PAH: variants seen among roughly 807,000 people sequenced by gnomAD.
PAH encodes the protein phenylalanine hydroxylase.
In PAH, 64 loss-of-function variants were observed where a neutral mutation model predicts 62.0. The observed-to-expected ratio is 1.03, with a 90% CI of 0.84 to 1.27. PAH has a LOEUF of 1.27. PAH is among the 50% of genes most tolerant of loss of function. PAH has a pLI of 0.00. For missense variants in PAH, 579 were observed against 542.8 expected (o/e 1.07, Z -0.66); for synonymous variants, 195 against 196.2 (o/e 0.99, Z 0.05).
At chr12:102,924,852 C>G (rs1878644227) in intron 1 of PAH, among the ~76,000 whole-genome samples, 1 of 152,050 alleles carries the variant, frequency 6.6e-6, no homozygotes, top group South Asian at 2.1e-4. Context: ...CTCATGTTGC[C>G]TATTGTGCCC....
At chr12:102,870,183 G>C (rs1876238383) in intron 4 of PAH, among the ~76,000 whole-genome samples, 1 of 152,082 alleles carries the variant, frequency 6.6e-6, no homozygotes, top group Non-Finnish European at 1.5e-5. Flanking sequence ...CTACATATAT[G>C]GAAAAGTCTT....
At chr12:102,921,005 T>C (rs577110979), upstream of PAH, among the ~76,000 whole-genome samples, 9 of 152,326 alleles carry the variant, frequency 5.9e-5, no homozygotes, top group South Asian at 1.0e-3. Context: ...TCTTCCCTTA[T>C]AGGCCTGGGG....
At chr12:102,928,825 C>T (rs903191831) in intron 1 of PAH, among the ~76,000 whole-genome samples, 1 of 152,052 alleles carries the variant, frequency 6.6e-6, no homozygotes, top group African/African-American at 2.4e-5. Flanking sequence ...ACATGAGATC[C>T]ACCCACCCAA....
chr12:102,914,065 C>T, intron 1 of PAH: 1 of 483,190 alleles, frequency 2.1e-6, no homozygotes, highest in Non-Finnish European at 3.7e-6. Context: ...GAATAACAAG[C>T]CCTGCATGAA....
chr12:102,883,186 AC>A (rs1876894797), intron 3 of PAH, among the ~76,000 whole-genome samples: 1 of 152,228 alleles, frequency 6.6e-6, no homozygotes, highest in South Asian at 2.1e-4. Flanking sequence ...GCCAGATGAT[AC>A]TTGAAAAGTC....
At chr12:102,894,182 C>T (rs1010659826) in intron 3 of PAH, among the ~76,000 whole-genome samples, 1 of 152,124 alleles carries the variant, frequency 6.6e-6, no homozygotes, top group Non-Finnish European at 1.5e-5. Context: ...GTTATCCCAG[C>T]AGTATTTATT....
At chr12:102,923,059 A>G (rs1878596484) in intron 1 of PAH, among the ~76,000 whole-genome samples, 1 of 152,244 alleles carries the variant, frequency 6.6e-6, no homozygotes, top group South Asian at 2.1e-4. Flanking sequence ...TGTATACTTT[A>G]CCACTGGGCA....
chr12:102,908,863 CAG>C (rs1034312029), intron 2 of PAH, among the ~76,000 whole-genome samples: 4 of 117,190 alleles, frequency 3.4e-5, no homozygotes, highest in African/African-American at 9.8e-5. Flanking sequence ...TTTTTTGAGA[CAG>C]AGTTTCACTC....
At chr12:102,901,704 A>G (rs7295308) in intron 2 of PAH, among the ~76,000 whole-genome samples, 34,866 of 152,094 alleles carry the variant, frequency 0.23, 5,112 homozygotes, top group African/African-American at 0.39. Context: ...ATGTGCTGTT[A>G]TCTTGGAGTA....
intron 4 of PAH, among the ~76,000 whole-genome samples, chr12:102,870,260 A>T (rs1366518236): frequency 6.6e-6 from 1 of 152,252 alleles, no homozygotes; most frequent in Non-Finnish European, 1.5e-5. Context: ...GTTAAACCTC[A>T]GAAGTGCTCT....
intron 5 of PAH, 27 bp from the exon 6 acceptor site, chr12:102,855,359 C>T: frequency 6.2e-7 from 1 of 1,605,854 alleles, no homozygotes; most frequent in Non-Finnish European, 8.5e-7. Flanking sequence ...AAATAGGTGT[C>T]TCAAGCAGGG....
chr12:102,947,518 C>A (rs1879550355), intron 1 of PAH, among the ~76,000 whole-genome samples: 1 of 152,012 alleles, frequency 6.6e-6, no homozygotes, highest in Non-Finnish European at 1.5e-5. Context: ...ACTCTAAGGG[C>A]AGCATATGTC....
chr12:102,943,152 G>A (rs181383562), intron 1 of PAH, among the ~76,000 whole-genome samples: 322 of 152,250 alleles, frequency 2.1e-3, no homozygotes, highest in Non-Finnish European at 3.6e-3. Flanking sequence ...CAAAATGGGA[G>A]AAAATATTTG....
At chr12:102,895,505 G>A (rs1403007937) in intron 2 of PAH, among the ~76,000 whole-genome samples, 4 of 151,880 alleles carry the variant, frequency 2.6e-5, no homozygotes, top group Non-Finnish European at 1.5e-5. Context: ...GCACCACTTG[G>A]CACATAGTAA....
chr12:102,865,136 A>G (rs955451402), intron 5 of PAH, among the ~76,000 whole-genome samples: 2 of 152,174 alleles, frequency 1.3e-5, no homozygotes, highest in Non-Finnish European at 2.9e-5. Context: ...TGATTCACCA[A>G]TTTCACTCTT....
intron 2 of PAH, among the ~76,000 whole-genome samples, chr12:102,906,280 G>A (rs1481954795): frequency 2.6e-5 from 4 of 152,090 alleles, no homozygotes; most frequent in Non-Finnish European, 4.4e-5. Context: ...ATTCTTACAG[G>A]ACATTTGGAG....
intron 2 of PAH, among the ~76,000 whole-genome samples, chr12:102,907,168 T>C (rs1013933394): frequency 1.3e-5 from 2 of 152,212 alleles, no homozygotes; most frequent in Admixed American, 6.5e-5. Context: ...TAGTAGTTAA[T>C]TGTCTTGCAT....
rs116192635 is a variant in PAH at position 102,944,916 on chromosome 12, T to C, written c.-96+5673A>G. ...ACTTTTTGGAAAGGATTTCCAGGTA[T>C]TCTAATAAATTTGGATATTGTAATC... On this transcript the variant is annotated intron_variant, in intron 1 of 3. Transcript: ENST00000546844. Among the ~76,000 whole-genome samples, 905 of 152,342 alleles carry C rather than the reference T, an allele frequency of 5.9e-3. 9 individuals carry two copies. Among genetic ancestry groups the C allele is most frequent in the African/African-American group, 0.02 (837 of 41,574 alleles).
At chr12:102,925,072 TC>T (rs1407477490) in intron 1 of PAH, among the ~76,000 whole-genome samples, 14 of 152,172 alleles carry the variant, frequency 9.2e-5, no homozygotes, top group African/African-American at 3.4e-4. Context: ...ATATTAGTTT[TC>T]CCCAATCCTT....
Sources: gnomAD v4.1 joint callset for allele counts (sites outside exome capture counted in the v4.1 genomes callset) on GRCh38, gnomAD v4.1.1 for gene constraint, MANE v1.5 for transcripts, NCBI Gene and HGNC (gene_info 2026-07-23, HGNC 2026-07-21) for gene names.